Variants in PHACTR1 observed in about 807,000 individuals in gnomAD.
PHACTR1 encodes phosphatase and actin regulator 1, also known as RPEL repeat containing 1.
A neutral mutation model predicts 69.2 loss-of-function variants in PHACTR1; 16 were observed. That is an observed-to-expected ratio of 0.23 (90% CI 0.16 to 0.35). The LOEUF (loss-of-function observed/expected upper bound fraction) is 0.35. PHACTR1 is among the 10% of genes least tolerant of loss of function. The pLI, the probability that PHACTR1 is intolerant of heterozygous loss-of-function variation, is 1.00. For synonymous variants in PHACTR1, 312 were observed against 284.5 expected (o/e 1.10, Z -0.97); for missense variants, 510 against 734.7 (o/e 0.69, Z 3.54).
intron 11 of PHACTR1, 160 bp downstream of exon 11, chr6:13,273,075 G>T: frequency 9.0e-7 from 1 of 1,113,476 alleles, no homozygotes. Flanking sequence ...CACCAAAGAC[G>T]ACCTCCCCAA....
intron 4 of PHACTR1, among the ~76,000 whole-genome samples, chr6:12,753,716 CTT>C (rs1371493636): frequency 6.6e-6 from 1 of 152,112 alleles, no homozygotes; most frequent in African/African-American, 2.4e-5. Context: ...TCACTGGTCT[CTT>C]TCACCCTTTC....
chr6:12,761,037 A>G (rs1767966803), intron 4 of PHACTR1, among the ~76,000 whole-genome samples: 1 of 152,194 alleles, frequency 6.6e-6, no homozygotes, highest in East Asian at 1.9e-4. Context: ...GGATTTGGAG[A>G]CCTGCTGGTT....
chr6:12,932,397 T>C (rs1409504110), intron 4 of PHACTR1, among the ~76,000 whole-genome samples: 1 of 152,202 alleles, frequency 6.6e-6, no homozygotes, highest in Non-Finnish European at 1.5e-5. Context: ...TATTCCCAAA[T>C]ATCTCCAAGG....
chr6:12,992,672 C>T (rs752829862), intron 4 of PHACTR1, among the ~76,000 whole-genome samples: 4 of 152,084 alleles, frequency 2.6e-5, no homozygotes, highest in African/African-American at 4.8e-5. Context: ...ATTGAGGACG[C>T]AGATGCACAC....
At chr6:13,031,864 T>C (rs1043874545) in intron 4 of PHACTR1, among the ~76,000 whole-genome samples, 2 of 152,276 alleles carry the variant, frequency 1.3e-5, no homozygotes, top group Admixed American at 1.3e-4. Context: ...CATTTCTTAC[T>C]GGATTGACAC....
intron 10 of PHACTR1, 146 bp downstream of exon 10, chr6:13,230,339 G>A (rs1333299717): frequency 1.3e-6 from 2 of 1,483,738 alleles, no homozygotes; most frequent in Admixed American, 2.0e-5. Flanking sequence ...ATCACATGAG[G>A]TCAGGAGTTC....
intron 4 of PHACTR1, among the ~76,000 whole-genome samples, chr6:12,985,953 G>A (rs1445249955): frequency 2.6e-5 from 4 of 151,018 alleles, no homozygotes; most frequent in South Asian, 2.1e-4. Flanking sequence ...CTCCTGTCTC[G>A]GCCTCCCAAG....
intron 4 of PHACTR1, chr6:12,933,589 C>T: frequency 6.2e-7 from 1 of 1,604,996 alleles, no homozygotes. Flanking sequence ...TGTTATCTGA[C>T]CTGGGCTCAC....
At chr6:12,750,539 G>A (rs755149130) in intron 4 of PHACTR1, among the ~76,000 whole-genome samples, 3 of 142,172 alleles carry the variant, frequency 2.1e-5, no homozygotes, top group Admixed American at 7.1e-5. Flanking sequence ...AAAGAAGGAG[G>A]GAAGGAAGGA....
In PHACTR1 at chr6:13,287,254, G is replaced by T; in HGVS notation, c.*176G>T. 2 of 699,306 alleles carry T rather than the reference G, an allele frequency of 2.9e-6. No individual in the cohort carries two copies. The highest frequency in any genetic ancestry group is 4.0e-5 in the South Asian group (2 of 50,576). 43.3% of individuals were successfully genotyped at this position (699,306 alleles called of 1,614,324 possible). On this transcript the variant is annotated 3_prime_UTR_variant, in exon 15 of 15. Coordinates refer to ENST00000332995, the MANE Select transcript of PHACTR1 (RefSeq NM_030948.6). ...GGATTTTATGTGTGAAAACGCAAAAGTGATGGCTCGGCGGTCCGAGCTGCT... is the reference window on the plus strand; with the variant it reads ...GGATTTTATGTGTGAAAACGCAAAATTGATGGCTCGGCGGTCCGAGCTGCT...
intron 7 of PHACTR1, among the ~76,000 whole-genome samples, chr6:13,196,805 T>C (rs1388090028): frequency 1.3e-5 from 2 of 152,202 alleles, no homozygotes; most frequent in African/African-American, 4.8e-5. Flanking sequence ...GAGCATTTTG[T>C]GGTGGTGTTT....
At chr6:13,241,470 C>T (rs367858818) in intron 10 of PHACTR1, among the ~76,000 whole-genome samples, 17 of 152,296 alleles carry the variant, frequency 1.1e-4, no homozygotes, top group African/African-American at 3.6e-4. Flanking sequence ...TTCTGATGCA[C>T]ACTAAAGTTT....
intron 5 of PHACTR1, among the ~76,000 whole-genome samples, chr6:13,061,371 A>G (rs1467609497): frequency 6.6e-6 from 1 of 152,200 alleles, no homozygotes; most frequent in African/African-American, 2.4e-5. Context: ...TGAATTTTAG[A>G]TAGGAAAGGA....
intron 2 of PHACTR1, chr6:12,718,362 T>C (rs1038129036): frequency 2.6e-5 from 4 of 152,820 alleles, no homozygotes; most frequent in African/African-American, 9.6e-5. Flanking sequence ...ACGCTATTTA[T>C]CAAATAGACC....
At chr6:13,114,999 A>G (rs1817603531) in intron 5 of PHACTR1, among the ~76,000 whole-genome samples, 1 of 152,210 alleles carries the variant, frequency 6.6e-6, no homozygotes. Flanking sequence ...GAGGTTAAAA[A>G]AAATTATGTA....
intron 12 of PHACTR1, chr6:13,279,229 C>T (rs1779637291): frequency 6.6e-6 from 1 of 152,176 alleles, no homozygotes; most frequent in Non-Finnish European, 1.5e-5. Context: ...GCACTGTAGC[C>T]TCGCATGCAT....
At chr6:12,720,409 C>T (rs973375376) in intron 3 of PHACTR1, among the ~76,000 whole-genome samples, 2 of 152,168 alleles carry the variant, frequency 1.3e-5, no homozygotes, top group Non-Finnish European at 2.9e-5. Context: ...ACCGTGGGCT[C>T]CAAGATCTTA....
intron 4 of PHACTR1, among the ~76,000 whole-genome samples, chr6:12,755,265 G>T (rs188298726): frequency 9.9e-5 from 15 of 152,136 alleles, no homozygotes; most frequent in Admixed American, 4.6e-4. Flanking sequence ...AATATCTGAG[G>T]CAAGAGTCAG....
rs186181620 is a variant in PHACTR1 at position 13,239,649 on chromosome 6, C to A, written c.1391+9456C>A. On this transcript the variant is annotated intron_variant, in intron 10 of 14. Transcript: ENST00000332995. ...TCTGGCATTGAGCCATGGGTCACAG[C>A]CATCACAGGGACCTACAGCCATTGA... is the stretch of plus-strand genomic sequence containing the variant. 1.3e-3 allele frequency among the ~76,000 whole-genome samples: 192 copies of A among 152,318 alleles called. 3 individuals carry two copies. The highest frequency in any genetic ancestry group is 0.011 in the Admixed American group (175 of 15,298).
Sources: gnomAD v4.1 joint callset for allele counts (sites outside exome capture counted in the v4.1 genomes callset) on GRCh38, gnomAD v4.1.1 for gene constraint, MANE v1.5 for transcripts, NCBI Gene and HGNC (gene_info 2026-07-23, HGNC 2026-07-21) for gene names.